INPP4B: variants seen among roughly 807,000 people sequenced by gnomAD.
The protein encoded by INPP4B is inositol polyphosphate-4-phosphatase type II B, also known as inositol polyphosphate 4-phosphatase type II.
Under a neutral mutation model 122.5 loss-of-function variants are expected in INPP4B, and 55 were observed. The ratio of observed to expected loss-of-function variants is 0.45; its 90% CI spans 0.36 to 0.56. The LOEUF is 0.56. Among genes scored for constraint, INPP4B ranks in the 20% least tolerant of loss-of-function variants. The probability of loss-of-function intolerance (pLI) is 0.00; values close to 1 mark genes in which losing one functional copy is unlikely to be tolerated. For missense variants in INPP4B, 1,000 were observed against 1,097.7 expected (o/e 0.91, Z 1.26); for synonymous variants, 403 against 388.7 (o/e 1.04, Z -0.43).
At chr4:142,725,935 A>C in intron 1 of INPP4B, 34 bp from the exon 2 acceptor site, 1 of 397,684 alleles carries the variant, frequency 2.5e-6, no homozygotes, top group Non-Finnish European at 4.4e-6. Context: ...TAATAAAAAC[A>C]ACCTTTCTTT....
chr4:142,345,593 A>C (rs1780042423), intron 7 of INPP4B, among the ~76,000 whole-genome samples: 1 of 152,164 alleles, frequency 6.6e-6, no homozygotes, highest in East Asian at 1.9e-4. Context: ...TGGGAAACCA[A>C]AACATGGATT....
chr4:142,144,700 T>C (rs1809752973), intron 18 of INPP4B, among the ~76,000 whole-genome samples: 1 of 152,070 alleles, frequency 6.6e-6, no homozygotes, highest in Non-Finnish European at 1.5e-5. Context: ...TATGAATGTA[T>C]GACAGAGGAA....
chr4:142,460,689 C>T (rs1461411724), intron 3 of INPP4B, among the ~76,000 whole-genome samples: 1 of 152,010 alleles, frequency 6.6e-6, no homozygotes, highest in East Asian at 1.9e-4. Flanking sequence ...GTTATGAAAT[C>T]CTAGGAAATT....
intron 1 of INPP4B, among the ~76,000 whole-genome samples, chr4:142,823,539 C>T (rs1781056523): frequency 6.6e-6 from 1 of 152,094 alleles, no homozygotes; most frequent in African/African-American, 2.4e-5. Context: ...GATTAAATTT[C>T]TATTAATCTT....
At chr4:142,137,924 A>C (rs1055482430) in intron 18 of INPP4B, among the ~76,000 whole-genome samples, 1 of 152,058 alleles carries the variant, frequency 6.6e-6, no homozygotes, top group Non-Finnish European at 1.5e-5. Context: ...AGGAACACTT[A>C]TACACTGTTG....
intron 2 of INPP4B, among the ~76,000 whole-genome samples, chr4:142,662,687 C>G (rs1755413544): frequency 6.6e-6 from 1 of 152,114 alleles, no homozygotes; most frequent in Non-Finnish European, 1.5e-5. Context: ...AGCCTGGGTT[C>G]CCTGAATGAT....
At chr4:142,221,115 T>A (rs868467120) in intron 12 of INPP4B, among the ~76,000 whole-genome samples, 1 of 151,954 alleles carries the variant, frequency 6.6e-6, no homozygotes, top group African/African-American at 2.4e-5. Flanking sequence ...TGTAACACAA[T>A]CCGGCTGGGC....
At chr4:142,827,349 C>T (rs1465440158) in intron 1 of INPP4B, among the ~76,000 whole-genome samples, 1 of 152,126 alleles carries the variant, frequency 6.6e-6, no homozygotes, top group Non-Finnish European at 1.5e-5. Context: ...TTTATCTGCT[C>T]CACTTGAACC....
intron 7 of INPP4B, among the ~76,000 whole-genome samples, chr4:142,342,871 T>C (rs1458915346): frequency 1.3e-5 from 2 of 152,124 alleles, no homozygotes; most frequent in Admixed American, 1.3e-4. Context: ...AAAAAGCAAG[T>C]ACCAATACTG....
At chr4:142,403,570 A>G (rs1802351652) in intron 6 of INPP4B, among the ~76,000 whole-genome samples, 1 of 152,128 alleles carries the variant, frequency 6.6e-6, no homozygotes, top group Non-Finnish European at 1.5e-5. Context: ...TCACTTGAAA[A>G]CTAATGAAAG....
At chr4:142,596,691 T>C (rs1241799680) in intron 2 of INPP4B, among the ~76,000 whole-genome samples, 1 of 152,218 alleles carries the variant, frequency 6.6e-6, no homozygotes, top group African/African-American at 2.4e-5. Context: ...ATAAAGCCAT[T>C]TGGGATTCAT....
intron 1 of INPP4B, among the ~76,000 whole-genome samples, chr4:142,807,420 G>A (rs1778997518): frequency 6.6e-6 from 1 of 152,182 alleles, no homozygotes; most frequent in South Asian, 2.1e-4. Flanking sequence ...AAACTGGAAA[G>A]TGGTATTCAA....
At chr4:142,212,003 G>A (rs1487958145) in intron 12 of INPP4B, among the ~76,000 whole-genome samples, 1 of 152,092 alleles carries the variant, frequency 6.6e-6, no homozygotes, top group Non-Finnish European at 1.5e-5. Context: ...TCACCATTGA[G>A]CAAGTGGTCA....
chr4:142,471,981 T>C (rs1818925715), intron 2 of INPP4B, among the ~76,000 whole-genome samples: 1 of 152,202 alleles, frequency 6.6e-6, no homozygotes, highest in Admixed American at 6.5e-5. Flanking sequence ...TTATTTTTTT[T>C]CAGATTTTGA....
chr4:142,653,175 G>A (rs1032733572), intron 2 of INPP4B, among the ~76,000 whole-genome samples: 1 of 152,188 alleles, frequency 6.6e-6, no homozygotes, highest in Non-Finnish European at 1.5e-5. Flanking sequence ...GCCATATGCA[G>A]AAAGCTGAAA....
intron 7 of INPP4B, among the ~76,000 whole-genome samples, chr4:142,355,047 G>T (rs746042101): frequency 2.0e-5 from 3 of 151,964 alleles, no homozygotes; most frequent in Non-Finnish European, 4.4e-5. Context: ...AGGATGACTG[G>T]CATGGCCCTG....
intron 2 of INPP4B, among the ~76,000 whole-genome samples, chr4:142,683,606 T>C (rs1486306927): frequency 6.6e-6 from 1 of 151,280 alleles, no homozygotes; most frequent in East Asian, 2.0e-4. Flanking sequence ...CTTGCATAGG[T>C]TTCTTAAGTT....
intron 2 of INPP4B, among the ~76,000 whole-genome samples, chr4:142,659,973 G>A (rs1754865017): frequency 6.7e-6 from 1 of 150,304 alleles, no homozygotes; most frequent in Non-Finnish European, 1.5e-5. Context: ...TAAGGATCCA[G>A]AGGCAGATAA....
At chr4:142,692,098 A>T (rs1760270140) in intron 2 of INPP4B, among the ~76,000 whole-genome samples, 1 of 152,116 alleles carries the variant, frequency 6.6e-6, no homozygotes, top group Non-Finnish European at 1.5e-5. Context: ...GATGGCACAA[A>T]TCAGATTAGG....
Sources: gnomAD v4.1 joint callset for allele counts (sites outside exome capture counted in the v4.1 genomes callset) on GRCh38, gnomAD v4.1.1 for gene constraint, MANE v1.5 for transcripts, NCBI Gene and HGNC (gene_info 2026-07-23, HGNC 2026-07-21) for gene names.